Variants in DENND2A observed in about 807,000 individuals in gnomAD.
DENND2A encodes the protein DENN domain-containing protein 2A.
Under a neutral mutation model 105.3 loss-of-function variants are expected in DENND2A, and 53 were observed. The ratio of observed to expected loss-of-function variants is 0.50; its 90% CI spans 0.40 to 0.63. The LOEUF is 0.63. DENND2A is among the 30% of genes least tolerant of loss of function. The pLI, the probability that DENND2A is intolerant of heterozygous loss-of-function variation, is 0.00. For missense variants in DENND2A, 1,138 were observed against 1,279.6 expected (o/e 0.89, Z 1.69); for synonymous variants, 522 against 508.4 (o/e 1.03, Z -0.36).
chr7:140,589,498 G>T (rs758673437), intron 3 of DENND2A, among the ~76,000 whole-genome samples: 1 of 152,090 alleles, frequency 6.6e-6, no homozygotes, highest in Non-Finnish European at 1.5e-5. Flanking sequence ...CCACTCTCAG[G>T]GCCAGGGTAG....
rs150331836 is a variant in DENND2A, at chr7:140,575,690, G to A, written c.1246-1682C>T. 7.8e-4 allele frequency among the ~76,000 whole-genome samples: 118 copies of A among 152,232 alleles called. No individual in the cohort carries two copies. The East Asian group carries it at 0.014, about 18-fold the overall frequency. ...TTTAAAAAATCTTAATGTACTTGCC[G>A]GGCACGGTGGCTCACGCCTATAATC... On this transcript the variant is annotated intron_variant, in intron 5 of 19. Coordinates refer to ENST00000496613, the MANE Select transcript of DENND2A (RefSeq NM_015689.5).
intron 1 of DENND2A, among the ~76,000 whole-genome samples, chr7:140,633,051 CAG>C (rs1366583742): frequency 8.0e-6 from 1 of 124,768 alleles, no homozygotes; most frequent in East Asian, 2.5e-4. Flanking sequence ...TTTTTTGAGA[CAG>C]AGTCTTGCGC....
rs1797534183 is a variant in DENND2A, at chr7:140,559,642, C to T, written c.1889+66G>A. The T allele has an allele frequency of 3.3e-6, 4 of 1,215,456 alleles. No homozygotes were observed. Among genetic ancestry groups the T allele is most frequent in the African/African-American group, 1.5e-5 (1 of 67,060 alleles). 75.3% of individuals were successfully genotyped at this position (1,215,456 alleles called of 1,614,324 possible). ...GGGAATGACTCATGTGGTCTGCCAC[C>T]TGTAACCCCGTCTCTAAGTCTCGCC... On this transcript the variant is annotated intron_variant, in intron 10 of 19. Transcript: ENST00000496613. The surrounding 1 kb of genome is among the most constrained non-coding windows in gnomAD (Gnocchi z 4.1).
chr7:140,544,648 C>T lies in DENND2A; in HGVS notation c.2297G>A (p.Arg766Lys). ...VCVFASLLLE[R>K]RVIFIADKLS... ...CTTGTCTGCAATGAAGATGACCCTCCTCTCCAGAAGCAGGGAGGCAAACAC... is the reference window on the plus strand; with the variant it reads ...CTTGTCTGCAATGAAGATGACCCTCTTCTCCAGAAGCAGGGAGGCAAACAC... The change falls in exon 14 of 20, where the codon AGG becomes AAG. Residue 766 changes from arginine to lysine, a missense_variant. Coordinates refer to ENST00000496613, the MANE Select transcript of DENND2A (RefSeq NM_015689.5). The T allele has an allele frequency of 6.2e-7, 1 of 1,614,144 alleles. No homozygotes were observed. Among genetic ancestry groups the T allele is most frequent in the Non-Finnish European group, 8.5e-7 (1 of 1,180,020 alleles).
intron 9 of DENND2A, among the ~76,000 whole-genome samples, chr7:140,562,531 G>A (rs994995461): frequency 2.6e-5 from 4 of 151,944 alleles, no homozygotes; most frequent in African/African-American, 4.8e-5. Context: ...GTGTGGTGGC[G>A]GGTGCCTGTA....
chr7:140,607,385 G>A (rs1362048704), intron 1 of DENND2A, among the ~76,000 whole-genome samples: 2 of 152,236 alleles, frequency 1.3e-5, no homozygotes, highest in Non-Finnish European at 2.9e-5. Context: ...GGAACCATGA[G>A]CTGGGGGAGC....
chr7:140,618,891 CG>C (rs1800180845), intron 1 of DENND2A, among the ~76,000 whole-genome samples: 2 of 152,188 alleles, frequency 1.3e-5, no homozygotes, highest in Middle Eastern at 3.4e-3. Flanking sequence ...CTCTGCCTCC[CG>C]GGTTCACGCC....
chr7:140,524,002 G>A (rs1314284362), intron 16 of DENND2A, among the ~76,000 whole-genome samples: 2 of 152,188 alleles, frequency 1.3e-5, no homozygotes, highest in East Asian at 3.8e-4. Flanking sequence ...GGCACTGAGA[G>A]GATACTCAAT....
chr7:140,574,467 C>T (rs1010924295), intron 5 of DENND2A, among the ~76,000 whole-genome samples: 2 of 152,042 alleles, frequency 1.3e-5, no homozygotes, highest in Admixed American at 1.3e-4. Flanking sequence ...AATCCGCCTG[C>T]CTCAGCCTCC....
At chr7:140,531,302 A>G (rs1249123122) in intron 14 of DENND2A, among the ~76,000 whole-genome samples, 1 of 152,206 alleles carries the variant, frequency 6.6e-6, no homozygotes, top group Non-Finnish European at 1.5e-5. Flanking sequence ...TATGGTTGTA[A>G]AGTCAGGACT....
chr7:140,534,575 G>C (rs1796394186), intron 14 of DENND2A, among the ~76,000 whole-genome samples: 1 of 152,192 alleles, frequency 6.6e-6, no homozygotes, highest in Non-Finnish European at 1.5e-5. Flanking sequence ...GACTTGTGAA[G>C]GCCCGAGGAG....
chr7:140,558,200 T>C lies in DENND2A; in HGVS notation c.1902A>G (p.Ser634=), dbSNP rs12704003. ...TCCCATCTTCTCCAGTTAAGACAAA[T>C]GAGAATGTTTCACTGTGGTTGGGAA... ...PVQQFTSETF[S]FVLTGEDGSR... The change falls in exon 11 of 20, where the codon TCA becomes TCG. Residue 634 remains serine, a synonymous_variant. Transcript: ENST00000496613. The C allele has an allele frequency of 0.58, 938,472 of 1,610,388 alleles. 278,779 individuals carry two copies. The highest frequency in any genetic ancestry group is 0.84 in the East Asian group (37,764 of 44,834).
At chr7:140,536,363 A>C (rs979975062) in intron 14 of DENND2A, among the ~76,000 whole-genome samples, 3 of 152,070 alleles carry the variant, frequency 2.0e-5, no homozygotes, top group Non-Finnish European at 4.4e-5. Context: ...TCAGGAAAAA[A>C]AAAAAAAGAA....
In DENND2A at chr7:140,567,214, A is replaced by G; in HGVS notation, c.1651T>C (p.Ser551Pro). 1 of 1,610,466 alleles carries G rather than the reference A, an allele frequency of 6.2e-7. No homozygotes were observed. The highest frequency in any genetic ancestry group is 8.5e-7 in the Non-Finnish European group (1 of 1,178,052). Residue 551 changes from serine to proline, a missense_variant, in exon 9 of 20, where the codon TCA becomes CCA. Transcript: ENST00000496613. Reference protein sequence around the residue: ...SRLKQAPRYPSLARELIEYQE... With the variant: ...SRLKQAPRYPPLARELIEYQE... The stretch of plus-strand genomic sequence containing the variant: ...TACTCGATGAGTTCCCGGGCAAGTG[A>G]TGGGTACCGAGGCGCCTGCTTCAGC...
chr7:140,519,648 C>G lies in DENND2A; in HGVS notation c.2982G>C (p.Lys994Asn). Residue 994 changes from lysine to asparagine, a missense_variant, in exon 19 of 20, where the codon AAG (lysine) becomes AAC (asparagine). Transcript: ENST00000496613. ...GGGCCTTACCTAGTCCCTTCAGGAA[C>G]TTATTGACACCGCTGTGCTCTCCAC... ...LPSGEHSGVN[K>N]FLKGLGNKMK... 2 of 1,614,086 alleles carry G rather than the reference C, an allele frequency of 1.2e-6. No individual in the cohort carries two copies. Among genetic ancestry groups the G allele is most frequent in the African/African-American group, 2.7e-5 (2 of 75,040 alleles).
At chr7:140,569,447 A>G (rs1470138125) in intron 7 of DENND2A, among the ~76,000 whole-genome samples, 198 bp downstream of exon 7, 3 of 152,116 alleles carry the variant, frequency 2.0e-5, no homozygotes, top group African/African-American at 7.2e-5. Context: ...GGACCAGGAC[A>G]AGGATGGGGA....
chr7:140,613,012 G>C (rs1047615863), intron 1 of DENND2A, among the ~76,000 whole-genome samples: 1 of 151,932 alleles, frequency 6.6e-6, no homozygotes, highest in Non-Finnish European at 1.5e-5. Context: ...TACTTGGGAG[G>C]CTGAGGCAGG....
At chr7:140,570,950 G>A (rs1798069108) in intron 6 of DENND2A, among the ~76,000 whole-genome samples, 1 of 152,234 alleles carries the variant, frequency 6.6e-6, no homozygotes, top group Non-Finnish European at 1.5e-5. Context: ...GGGTCCCCCA[G>A]GGCTTGCTAT....
chr7:140,639,910 C>G (rs914887432), intron 1 of DENND2A, among the ~76,000 whole-genome samples: 2 of 152,240 alleles, frequency 1.3e-5, no homozygotes, highest in African/African-American at 4.8e-5. Context: ...TGTGACCCTC[C>G]TAATACGATT....
Sources: gnomAD v4.1 joint callset for allele counts (sites outside exome capture counted in the v4.1 genomes callset) on GRCh38, gnomAD v4.1.1 for gene constraint, Gnocchi (gnomAD v3.1) non-coding constraint, MANE v1.5 for transcripts, NCBI Gene and HGNC (gene_info 2026-07-23, HGNC 2026-07-21) for gene names.